The following COL23A1 variants were observed in gnomAD, a reference collection of about 807,000 sequenced individuals.
COL23A1 encodes the protein collagen alpha-1(XXIII) chain.
COL23A1 carries 97 observed loss-of-function variants against 99.3 expected under a neutral mutation model. That is an observed-to-expected ratio of 0.98 (90% CI 0.83 to 1.16). The LOEUF is 1.16. Among genes scored for constraint, COL23A1 ranks in the 50% most tolerant of loss-of-function variants. The pLI is 0.00. For synonymous variants in COL23A1, 320 were observed against 308.2 expected (o/e 1.04, Z -0.40); for missense variants, 762 against 757.4 (o/e 1.01, Z -0.07).
At chr5:178,351,014 G>C (rs1477972319) in intron 2 of COL23A1, 1 of 152,282 alleles carries the variant, frequency 6.6e-6, no homozygotes, top group African/African-American at 2.4e-5. Flanking sequence ...GTGGTCTCCT[G>C]GGGTTGCCGA....
intron 1 of COL23A1, among the ~76,000 whole-genome samples, chr5:178,582,115 G>A (rs1478311908): frequency 1.4e-5 from 2 of 146,220 alleles, no homozygotes; most frequent in Non-Finnish European, 3.0e-5. Context: ...GCTGAGGCAG[G>A]AAGACTGTTT....
intron 2 of COL23A1, among the ~76,000 whole-genome samples, chr5:178,394,623 T>C (rs934213492): frequency 6.6e-6 from 1 of 152,214 alleles, no homozygotes; most frequent in Non-Finnish European, 1.5e-5. Context: ...TAGCTAGCAT[T>C]TGGCTGCAAG....
At position 178,365,481 on chromosome 5, in the gene COL23A1, C is replaced by T. The variant is rs990338548; in HGVS notation, c.362-58562G>A. Among the ~76,000 whole-genome samples, 31 of 151,996 alleles carry T rather than the reference C, an allele frequency of 2.0e-4. No homozygotes were observed. The highest frequency in any genetic ancestry group is 3.2e-4 in the Non-Finnish European group (22 of 68,010). The stretch of plus-strand genomic sequence containing the variant: ...ATCCCTCTTTCTTTTGACGGGTACC[C>T]GCCACCCAATCCCTCTTTCTTCTGA... On this transcript the variant is annotated intron_variant, in intron 2 of 28. Transcript: ENST00000390654. The surrounding 1 kb of genome is among the most constrained non-coding windows in gnomAD (Gnocchi z 5.2).
At position 178,306,902 on chromosome 5, in the gene COL23A1, C is replaced by G; in HGVS notation, c.379G>C (p.Gly127Arg). ...GGGTCGCCTCTTCTCCCAGGCTTGC[C>G]GCGCCGTCCAGGGGGCCCTAGACAG... Reference protein sequence around the residue: ...VCPPGPPGRRGKPGRRGDPGP... With the variant: ...VCPPGPPGRRRKPGRRGDPGP... The change falls in exon 3 of 29, where the codon GGC becomes CGC. Residue 127 changes from glycine to arginine, a missense_variant. By Grantham distance (125) the Gly-to-Arg change is moderately radical. Transcript: ENST00000390654. This position sits in a 1 kb window ranked among gnomAD's most constrained non-coding sequence, Gnocchi z 4.1. The G allele has an allele frequency of 6.5e-7, 1 of 1,547,740 alleles. No homozygotes were observed. Among genetic ancestry groups the G allele is most frequent in the South Asian group, 1.2e-5 (1 of 82,744 alleles).
intron 2 of COL23A1, among the ~76,000 whole-genome samples, chr5:178,466,823 C>T (rs965587248): frequency 3.9e-5 from 6 of 152,234 alleles, no homozygotes; most frequent in African/African-American, 1.4e-4. Context: ...GAAGGACAGC[C>T]ACGTCTGGGG....
At chr5:178,380,476 T>C (rs1375158240) in intron 2 of COL23A1, among the ~76,000 whole-genome samples, 1 of 152,146 alleles carries the variant, frequency 6.6e-6, no homozygotes, top group Non-Finnish European at 1.5e-5. Context: ...CTTTTTCTGC[T>C]GAAGGGGAAA....
chr5:178,379,414 C>T (rs1223965674), intron 2 of COL23A1, among the ~76,000 whole-genome samples: 1 of 152,158 alleles, frequency 6.6e-6, no homozygotes, highest in Non-Finnish European at 1.5e-5. Context: ...CCTGGATGGA[C>T]ACACATGAAT....
intron 2 of COL23A1, among the ~76,000 whole-genome samples, chr5:178,344,361 G>A (rs1280978216): frequency 6.6e-6 from 1 of 152,096 alleles, no homozygotes; most frequent in Non-Finnish European, 1.5e-5. Context: ...CTGTGGCCGG[G>A]CGTGGTGGCT....
intron 2 of COL23A1, among the ~76,000 whole-genome samples, chr5:178,349,858 C>T (rs1460642915): frequency 9.7e-6 from 1 of 103,320 alleles, no homozygotes; most frequent in East Asian, 4.0e-4. Flanking sequence ...CTGCAGTGGC[C>T]CCTGACTGGA....
chr5:178,411,463 A>G (rs1186567341), intron 2 of COL23A1, among the ~76,000 whole-genome samples: 2 of 152,258 alleles, frequency 1.3e-5, no homozygotes, highest in African/African-American at 2.4e-5. Flanking sequence ...ATTTATCCAT[A>G]AAAGGAAATG....
At chr5:178,379,096 A>G (rs2127733540) in intron 2 of COL23A1, among the ~76,000 whole-genome samples, 1 of 152,294 alleles carries the variant, frequency 6.6e-6, no homozygotes, top group Admixed American at 6.5e-5. Flanking sequence ...AGGATTCTGA[A>G]TTCTGCACAC....
chr5:178,416,725 G>T (rs1262500792), intron 2 of COL23A1, among the ~76,000 whole-genome samples: 2 of 152,216 alleles, frequency 1.3e-5, no homozygotes, highest in Non-Finnish European at 2.9e-5. Context: ...CTTGTCCAAG[G>T]TCACACAGTT....
chr5:178,585,865 A>G (rs1763972603), intron 1 of COL23A1, among the ~76,000 whole-genome samples: 1 of 152,212 alleles, frequency 6.6e-6, no homozygotes, highest in Non-Finnish European at 1.5e-5. Context: ...AAAGCCTCCT[A>G]TGGCGATCGC....
chr5:178,260,824 A>C (rs1765585546), intron 11 of COL23A1, among the ~76,000 whole-genome samples: 1 of 152,200 alleles, frequency 6.6e-6, no homozygotes, highest in African/African-American at 2.4e-5. Context: ...CAGTGGTGTC[A>C]GGGGCTAGGG....
chr5:178,489,260 G>A (rs1376174512), intron 2 of COL23A1, among the ~76,000 whole-genome samples: 1 of 152,220 alleles, frequency 6.6e-6, no homozygotes, highest in Non-Finnish European at 1.5e-5. Context: ...TCTGGAGGGA[G>A]ACACTTTTTC....
intron 2 of COL23A1, chr5:178,344,800 T>TA (rs1760868532): frequency 1.7e-6 from 1 of 579,728 alleles, no homozygotes; most frequent in Non-Finnish European, 3.1e-6. Context: ...AAATTTCTCT[T>TA]TGTTAAGATC....
intron 2 of COL23A1, among the ~76,000 whole-genome samples, chr5:178,493,207 G>A (rs922886530): frequency 2.0e-5 from 3 of 152,164 alleles, no homozygotes; most frequent in Non-Finnish European, 4.4e-5. Flanking sequence ...GGATCTGGGA[G>A]CCCAGGACAC....
intron 2 of COL23A1, among the ~76,000 whole-genome samples, chr5:178,538,101 T>C (rs1761083703): frequency 6.6e-6 from 1 of 152,204 alleles, no homozygotes; most frequent in Non-Finnish European, 1.5e-5. Context: ...TCTGTTTGTC[T>C]ATTCATCTGT....
In COL23A1 at chr5:178,589,974, A is replaced by G; in HGVS notation, c.224T>C (p.Leu75Pro). 2 of 1,333,500 alleles carry G rather than the reference A, an allele frequency of 1.5e-6. No individual in the cohort carries two copies. The highest frequency in any genetic ancestry group is 1.9e-6 in the Non-Finnish European group (2 of 1,048,472). 82.6% of individuals were successfully genotyped at this position (1,333,500 alleles called of 1,614,324 possible). ...VAALEEEREL[L>P]RRAGPPGALD... ...GGCGCCTGGCGGCCCCGCGCGCCGC[A>G]GCAGCTCCCGCTCCTCCTCGAGCGC... Residue 75 changes from leucine to proline, a missense_variant, in exon 1 of 29, where the codon CTG becomes CCG. Physicochemically the swap from Leu to Pro is moderately conservative, Grantham distance 98. Coordinates refer to ENST00000390654, the MANE Select transcript of COL23A1 (RefSeq NM_173465.4). This position sits in a 1 kb window ranked among gnomAD's most constrained non-coding sequence, Gnocchi z 5.4.
Sources: allele counts gnomAD v4.1 joint callset (sites outside exome capture counted in the v4.1 genomes callset), GRCh38; gene constraint gnomAD v4.1.1; non-coding constraint Gnocchi (gnomAD v3.1); transcripts MANE v1.5; gene names NCBI Gene and HGNC (gene_info 2026-07-23, HGNC 2026-07-21).